Variants in ACYP2 observed in about 807,000 individuals in gnomAD.
ACYP2 encodes acylphosphatase-2.
ACYP2 carries 12 observed loss-of-function variants against 11.2 expected under a neutral mutation model. The observed-to-expected ratio is 1.08, with a 90% CI of 0.69 to 1.74. ACYP2 has a LOEUF of 1.74. ACYP2 is among the 40% of genes most tolerant of loss of function. The pLI, the probability that ACYP2 is intolerant of heterozygous loss-of-function variation, is 0.00. For synonymous variants in ACYP2, 43 were observed against 32.2 expected (o/e 1.33, Z -1.13); for missense variants, 134 against 101.9 (o/e 1.31, Z -1.35).
Position 54,173,337 on chromosome 2 carries a change from A to G in ACYP2, c.404+34589A>G, listed in dbSNP as rs199527332. On this transcript the variant is annotated intron_variant, in intron 6 of 6. Transcript: ENST00000607452. The stretch of plus-strand genomic sequence containing the variant: ...TTTCATGTGTCTGTTGGCTGCATAA[A>G]TGTCTTCTTTTGAGAAGTGTCTGTT... Among the ~76,000 whole-genome samples the G allele has an allele frequency of 1.2e-4, 19 of 152,312 alleles. No individual in the cohort carries two copies. The East Asian group carries it at 3.7e-3, about 29-fold the overall frequency.
chr2:54,111,939 C>T (rs1397772289), intron 4 of ACYP2, among the ~76,000 whole-genome samples: 1 of 152,222 alleles, frequency 6.6e-6, no homozygotes, highest in Non-Finnish European at 1.5e-5. Flanking sequence ...TACCTCCTCA[C>T]TTCAAATGTC....
chr2:54,141,631 C>T (rs980373991), intron 6 of ACYP2, among the ~76,000 whole-genome samples: 1 of 152,194 alleles, frequency 6.6e-6, no homozygotes, highest in Non-Finnish European at 1.5e-5. Context: ...GTTCCTACAT[C>T]AGTATACCAT....
At chr2:54,063,081 C>G (rs1188965478) in intron 4 of ACYP2, among the ~76,000 whole-genome samples, 1 of 152,006 alleles carries the variant, frequency 6.6e-6, no homozygotes, top group Non-Finnish European at 1.5e-5. Context: ...TAGACTCAAT[C>G]TCTGACCTTG....
chr2:54,259,697 T>C (rs937657772), intron 6 of ACYP2, among the ~76,000 whole-genome samples: 15 of 147,538 alleles, frequency 1.0e-4, no homozygotes, highest in African/African-American at 3.6e-4. Context: ...AGAAAAGAAA[T>C]GGAGATTGAA....
At chr2:53,980,078 C>G (rs1166685089) in intron 2 of ACYP2, among the ~76,000 whole-genome samples, 1 of 152,134 alleles carries the variant, frequency 6.6e-6, no homozygotes, top group East Asian at 1.9e-4. Context: ...CACCATGGCT[C>G]ACATCTCTAA....
In ACYP2 at chr2:54,103,839, T is replaced by C. The variant is rs149611868; in HGVS notation, c.278-31614T>C. Among the ~76,000 whole-genome samples the C allele has an allele frequency of 9.0e-3, 1,377 of 152,350 alleles. 21 individuals are homozygous for C. The highest frequency in any genetic ancestry group is 0.03 in the South Asian group (146 of 4,828). On this transcript the variant is annotated intron_variant, in intron 4 of 6. Transcript: ENST00000607452. The stretch of plus-strand genomic sequence containing the variant: ...TATGAGTGATTCATATGCAGCTTGA[T>C]GTTGCTCTGTAGCCAAATAGAGCAG...
chr2:54,036,387 C>G (rs938241841), intron 2 of ACYP2, among the ~76,000 whole-genome samples: 2 of 152,222 alleles, frequency 1.3e-5, no homozygotes, highest in African/African-American at 4.8e-5. Flanking sequence ...AGCCACCGCA[C>G]CCAGCCCAAA....
chr2:54,138,552 A>T (rs968392421), intron 5 of ACYP2, 87 bp from the exon 3 acceptor site: 106 of 994,312 alleles, frequency 1.1e-4, no homozygotes, highest in Non-Finnish European at 1.4e-4. Context: ...TTATTAGGTT[A>T]GCATTTTTTG....
chr2:54,204,618 G>C (rs535036330), intron 6 of ACYP2, among the ~76,000 whole-genome samples: 1 of 152,120 alleles, frequency 6.6e-6, no homozygotes, highest in Admixed American at 6.5e-5. Context: ...TCTAGTTGGA[G>C]TTTAAAACTT....
intron 6 of ACYP2, among the ~76,000 whole-genome samples, chr2:54,177,129 A>G (rs1194907110): frequency 6.6e-6 from 1 of 152,148 alleles, no homozygotes; most frequent in Non-Finnish European, 1.5e-5. Context: ...CTTTCCAGAC[A>G]CATTCTCCTG....
intron 4 of ACYP2, among the ~76,000 whole-genome samples, chr2:54,117,300 A>C (rs1267239470): frequency 9.2e-5 from 14 of 152,208 alleles, no homozygotes; most frequent in African/African-American, 3.4e-4. Context: ...TTTTAATTTT[A>C]TTTTTTTAAG....
At position 54,084,992 on chromosome 2, in the gene ACYP2, G is replaced by A. The variant is rs139953828; in HGVS notation, c.277+27632G>A. Reference sequence around the variant, plus strand: ...GAATGTTCTTATTTTTAGGTGAGGCGTGGGGAATGTTTCCGGATGGAATAT... The same window carrying A: ...GAATGTTCTTATTTTTAGGTGAGGCATGGGGAATGTTTCCGGATGGAATAT... On this transcript the variant is annotated intron_variant, in intron 4 of 6. Transcript: ENST00000607452. 5.7e-3 allele frequency: 863 copies of A among 152,260 alleles called. 2 individuals are homozygous for A. The highest frequency in any genetic ancestry group is 9.3e-3 in the Non-Finnish European group (633 of 68,036). 9.4% of individuals were successfully genotyped at this position (152,260 alleles called of 1,614,324 possible). A position where few individuals can be genotyped will look rare whatever the true frequency, so the allele number is the denominator to read the frequency against.
chr2:54,173,989 G>A (rs1289134250), intron 6 of ACYP2, among the ~76,000 whole-genome samples: 3 of 152,088 alleles, frequency 2.0e-5, no homozygotes, highest in Non-Finnish European at 2.9e-5. Flanking sequence ...TTGTTCTTTT[G>A]GCTTAGGATT....
chr2:54,126,565 G>A (rs1353585444), intron 4 of ACYP2, among the ~76,000 whole-genome samples: 4 of 130,742 alleles, frequency 3.1e-5, no homozygotes, highest in African/African-American at 8.5e-5. Flanking sequence ...CTAAGTCAGC[G>A]TTGTGGTGAC....
intron 6 of ACYP2, among the ~76,000 whole-genome samples, chr2:54,152,115 C>CTTTTTT (rs59900871): frequency 1.9e-5 from 2 of 106,934 alleles, no homozygotes; most frequent in African/African-American, 7.0e-5. Flanking sequence ...AGGGTTGACT[C>CTTTTTT]TTTTTTTTTT....
chr2:54,290,801 A>AT (rs1491198393), intron 6 of ACYP2, among the ~76,000 whole-genome samples: 2 of 152,174 alleles, frequency 1.3e-5, no homozygotes, highest in African/African-American at 4.8e-5. Context: ...GTAGGAGTCG[A>AT]TTTTAACATA....
At chr2:54,184,878 ACT>A (rs962386700) in intron 6 of ACYP2, among the ~76,000 whole-genome samples, 1 of 145,182 alleles carries the variant, frequency 6.9e-6, no homozygotes, top group African/African-American at 2.6e-5. Flanking sequence ...CAAGAGTTTC[ACT>A]CTGTCACCCA....
chr2:53,974,908 G>C (rs573585296), intron 2 of ACYP2, among the ~76,000 whole-genome samples: 1 of 141,142 alleles, frequency 7.1e-6, no homozygotes, highest in East Asian at 1.9e-4. Flanking sequence ...TAATAGGGAA[G>C]GAGAAGAGAG....
intron 6 of ACYP2, among the ~76,000 whole-genome samples, chr2:54,225,714 T>C (rs1316763953): frequency 6.6e-6 from 1 of 152,226 alleles, no homozygotes; most frequent in Non-Finnish European, 1.5e-5. Context: ...TTATCCATAC[T>C]AAATGAGAGG....
Sources: gnomAD v4.1 joint callset for allele counts (sites outside exome capture counted in the v4.1 genomes callset) on GRCh38, gnomAD v4.1.1 for gene constraint, MANE v1.5 for transcripts, NCBI Gene and HGNC (gene_info 2026-07-23, HGNC 2026-07-21) for gene names.